CTSZ: variants seen among roughly 807,000 people sequenced by gnomAD.
CTSZ encodes the protein cathepsin Z, also known as carboxypeptidase LB.
Under a neutral mutation model 32.4 loss-of-function variants are expected in CTSZ, and 39 were observed. The observed-to-expected ratio is 1.20, with a 90% confidence interval of 0.93 to 1.57. The LOEUF (loss-of-function observed/expected upper bound fraction) is 1.57. Ranked by LOEUF, CTSZ falls within the 40% of genes most tolerant of loss-of-function variation. The pLI is 0.00. For synonymous variants in CTSZ, 168 were observed against 170.1 expected (o/e 0.99, Z 0.10); for missense variants, 397 against 419.6 (o/e 0.95, Z 0.47).
At chr20:59,001,120 C>A (rs1467695819) in intron 3 of CTSZ, among the ~76,000 whole-genome samples, 1 of 152,144 alleles carries the variant, frequency 6.6e-6, no homozygotes, top group Admixed American at 6.5e-5. Context: ...TGAGCCACCG[C>A]GCGCATGGCC....
Position 59,007,162 on chromosome 20 carries a change from T to A in CTSZ, c.-34A>T. 7.6e-7 allele frequency: 1 copy of A among 1,314,388 alleles called. No individual in the cohort carries two copies. 81.4% of individuals were successfully genotyped at this position (1,314,388 alleles called of 1,614,324 possible). On this transcript the variant is annotated 5_prime_UTR_variant, in exon 1 of 6. Transcript: ENST00000217131. ...GCCGGCTCCTGGGTCCCGCTCCGGATCCCGCTCCGAGTCCCAGATCCCGCG... is the reference window on the plus strand; with the variant it reads ...GCCGGCTCCTGGGTCCCGCTCCGGAACCCGCTCCGAGTCCCAGATCCCGCG...
At chr20:59,001,386 TGGGTCCTCAGCC>T in intron 3 of CTSZ, 67 bp downstream of exon 3, 1 of 1,469,706 alleles carries the variant, frequency 6.8e-7, no homozygotes, top group Non-Finnish European at 9.2e-7. Flanking sequence ...GGGGTCAGGC[TGGGTCCTCAGCC>T]ACGAAGGCCT....
At chr20:59,006,012 G>C in intron 2 of CTSZ, 1 of 413,704 alleles carries the variant, frequency 2.4e-6, no homozygotes, top group Non-Finnish European at 4.4e-6. Flanking sequence ...TGGGGACTCA[G>C]TGATTTTGCA....
rs1436080201 is a variant in CTSZ, at chr20:58,995,556, C to A, written c.*93G>T. 8.5e-7 allele frequency: 1 copy of A among 1,172,908 alleles called. No homozygotes were observed. Among genetic ancestry groups the A allele is most frequent in the Non-Finnish European group, 1.3e-6 (1 of 795,288 alleles). The allele number at this position is 1,172,908 out of a possible 1,614,324, so 72.7% of individuals were successfully genotyped here. On this transcript the variant is annotated 3_prime_UTR_variant, in exon 6 of 6. Transcript: ENST00000217131. ...TCCAATATTGATAGCCACCCCAGTT[C>A]CTGCCAGCCAGCCTGGCACACATAA... is the stretch of plus-strand genomic sequence containing the variant.
intron 1 of CTSZ, 78 bp downstream of exon 1, chr20:59,006,908 C>T (rs2091910707): frequency 1.6e-6 from 2 of 1,241,366 alleles, no homozygotes; most frequent in Non-Finnish European, 2.1e-6. Context: ...ACGCAGGGCC[C>T]CCAGGAGGCA....
At chr20:59,001,351 A>T in intron 3 of CTSZ, 114 bp downstream of exon 3, 1 of 1,266,972 alleles carries the variant, frequency 7.9e-7, no homozygotes, top group Non-Finnish European at 1.1e-6. Flanking sequence ...GCAGCTCCCC[A>T]GCCACCAGCC....
Position 59,004,454 on chromosome 20 carries a change from C to T in CTSZ, c.307+1868G>A, listed in dbSNP as rs1250372244. Among the ~76,000 whole-genome samples, 2 of 151,872 alleles carry T rather than the reference C, an allele frequency of 1.3e-5. No individual in the cohort carries two copies. The highest frequency in any genetic ancestry group is 1.5e-5 in the Non-Finnish European group (1 of 67,956). On this transcript the variant is annotated intron_variant, in intron 2 of 5. Coordinates refer to ENST00000217131, the MANE Select transcript of CTSZ (RefSeq NM_001336.4). This position sits in a 1 kb window ranked among gnomAD's most constrained non-coding sequence, Gnocchi z 5.6. ...GGGCCCCAGGTGGCAGTGGAAAGAA[C>T]AGTGCCGGTGGAGTGGCAGAGGTGG...
intron 2 of CTSZ, among the ~76,000 whole-genome samples, chr20:59,005,453 G>A (rs927766194): frequency 1.4e-4 from 21 of 152,204 alleles, no homozygotes; most frequent in African/African-American, 4.6e-4. Context: ...TTGAGGAGGC[G>A]TCAGTGAGAT....
At position 59,006,386 on chromosome 20, in the gene CTSZ, C is replaced by G. The variant is rs770148459; in HGVS notation, c.243G>C (p.Arg81=). 7 of 1,613,986 alleles carry G rather than the reference C, an allele frequency of 4.3e-6. No homozygotes were observed. In the East Asian group the frequency reaches 1.6e-4, roughly 36 times the overall value. The stretch of plus-strand genomic sequence containing the variant: ...CGCAGTATTGGGGGATGTGCTGGTT[C>G]CGGGTGATGCTGGCATAGTTGACAC... The part of the protein sequence containing the change: ...VDGVNYASIT[R]NQHIPQYCGS... Residue 81 remains arginine (R), a synonymous_variant, in exon 2 of 6, where the codon CGG becomes CGC. Transcript: ENST00000217131.
intron 2 of CTSZ, 35 bp downstream of exon 2, chr20:59,006,287 C>A: frequency 6.4e-7 from 1 of 1,558,386 alleles, no homozygotes; most frequent in Non-Finnish European, 8.7e-7. Flanking sequence ...CCGGGATGGG[C>A]TTTCCTGGCC....
chr20:59,005,448 G>A (rs1440842678), intron 2 of CTSZ, among the ~76,000 whole-genome samples: 1 of 152,224 alleles, frequency 6.6e-6, no homozygotes, highest in South Asian at 2.1e-4. Flanking sequence ...TGGCATTGAG[G>A]AGGCGTCAGT....
chr20:59,006,963 G>T (rs1325274266), intron 1 of CTSZ, 23 bp downstream of exon 1: 1 of 1,408,796 alleles, frequency 7.1e-7, no homozygotes, highest in Admixed American at 3.2e-5. Flanking sequence ...TCCCCCCAGG[G>T]CTGCCTCCCC....
Position 59,006,344 on chromosome 20 carries a change from G to C in CTSZ, c.285C>G (p.His95Gln). The C allele has an allele frequency of 3.7e-6, 6 of 1,612,536 alleles. No individual in the cohort carries two copies. Among genetic ancestry groups the C allele is most frequent in the Non-Finnish European group, 3.4e-6 (4 of 1,179,510 alleles). The change falls in exon 2 of 6, where the codon CAC (histidine) becomes CAG (glutamine). Residue 95 changes from histidine to glutamine, a missense_variant. By Grantham distance (24) the His-to-Gln change is conservative. Transcript: ENST00000217131. Reference protein sequence around the residue: ...IPQYCGSCWAHASTSAMADRI... With the variant: ...IPQYCGSCWAQASTSAMADRI... ...CACCCGCCATAGCGCTGGTGCTGGC[G>C]TGGGCCCAGCAGGAGCCGCAGTATT... is the stretch of plus-strand genomic sequence containing the variant.
intron 2 of CTSZ, among the ~76,000 whole-genome samples, chr20:59,005,669 G>A (rs1049968672): frequency 3.3e-5 from 5 of 152,346 alleles, no homozygotes; most frequent in East Asian, 3.9e-4. Flanking sequence ...TGGACCCTGT[G>A]CTGTGACTGG....
intron 3 of CTSZ, among the ~76,000 whole-genome samples, chr20:59,000,195 T>C (rs1484796372): frequency 1.3e-5 from 2 of 151,250 alleles, no homozygotes; most frequent in Non-Finnish European, 2.9e-5. Context: ...CTGAACAACA[T>C]GGAGAAACCC....
Position 59,007,226 on chromosome 20 carries a change from G to T in CTSZ, c.-98C>A, listed in dbSNP as rs558966755. 27 of 1,235,152 alleles carry T rather than the reference G, an allele frequency of 2.2e-5. No homozygotes were observed. In the South Asian group the frequency reaches 6.2e-4, roughly 28 times the overall value. 76.5% of individuals were successfully genotyped at this position (1,235,152 alleles called of 1,614,324 possible). On this transcript the variant is annotated 5_prime_UTR_variant, in exon 1 of 6. Transcript: ENST00000217131. ...TGGATCCCGCCCCGGCCTCGGCCTC[G>T]GCCCAGCACCCGGCCGACCCCGCAC...
intron 3 of CTSZ, among the ~76,000 whole-genome samples, chr20:58,998,293 C>G (rs1374412835): frequency 2.6e-5 from 4 of 152,166 alleles, no homozygotes; most frequent in East Asian, 1.9e-4. Context: ...GTAATCCCAG[C>G]TCTTTGGGAG....
Position 58,999,937 on chromosome 20 carries a change from C to T in CTSZ, c.487+1528G>A, listed in dbSNP as rs113980505. ...ACAAAAAATTAGCCGGGCGCGGTGG[C>T]GGGCGCCTGTAGTCCCAGCTACTCC... On this transcript the variant is annotated intron_variant, in intron 3 of 5. Coordinates refer to ENST00000217131, the MANE Select transcript of CTSZ (RefSeq NM_001336.4). Among the ~76,000 whole-genome samples the T allele has an allele frequency of 1.5e-3, 230 of 152,326 alleles. 2 individuals are homozygous for T. Among genetic ancestry groups the T allele is most frequent in the African/African-American group, 5.2e-3 (216 of 41,576 alleles).
At chr20:58,998,862 G>A (rs1011830210) in intron 3 of CTSZ, among the ~76,000 whole-genome samples, 1 of 152,172 alleles carries the variant, frequency 6.6e-6, no homozygotes, top group Non-Finnish European at 1.5e-5. Flanking sequence ...CACATCTGTC[G>A]GGATTCCTCC....
Sources: gnomAD v4.1 joint callset for allele counts (sites outside exome capture counted in the v4.1 genomes callset) on GRCh38, gnomAD v4.1.1 for gene constraint, Gnocchi (gnomAD v3.1) non-coding constraint, MANE v1.5 for transcripts, NCBI Gene and HGNC (gene_info 2026-07-23, HGNC 2026-07-21) for gene names.